PPFIA2: variants seen among roughly 807,000 people sequenced by gnomAD.
PPFIA2 encodes the protein PPFI scaffold protein A2.
In PPFIA2, 46 loss-of-function variants were observed where a neutral mutation model predicts 175.5. The ratio of observed to expected loss-of-function variants is 0.26; its 90% CI spans 0.21 to 0.34. The LOEUF (loss-of-function observed/expected upper bound fraction) is 0.34. PPFIA2 is among the 10% of genes least tolerant of loss of function. The pLI is 1.00. For missense variants in PPFIA2, 1,179 were observed against 1,506.1 expected (o/e 0.78, Z 3.60); for synonymous variants, 568 against 511.4 (o/e 1.11, Z -1.49).
chr12:81,296,944 G>C (rs1456616188), intron 23 of PPFIA2, among the ~76,000 whole-genome samples: 2 of 152,150 alleles, frequency 1.3e-5, no homozygotes, highest in East Asian at 3.8e-4. Context: ...GATGATAAAA[G>C]TGATGGGATG....
intron 16 of PPFIA2, among the ~76,000 whole-genome samples, chr12:81,357,095 C>T (rs1165127521): frequency 6.6e-6 from 1 of 152,046 alleles, no homozygotes; most frequent in African/African-American, 2.4e-5. Flanking sequence ...TATGGAAGAC[C>T]ACATGATACT....
chr12:81,412,176 T>A (rs920869267), intron 7 of PPFIA2, among the ~76,000 whole-genome samples: 1 of 151,872 alleles, frequency 6.6e-6, no homozygotes, highest in Non-Finnish European at 1.5e-5. Context: ...ATTAAATATC[T>A]TTTTATGCTA....
chr12:81,699,182 C>T lies in PPFIA2; in HGVS notation c.250-22338G>A, dbSNP rs150639316. Among the ~76,000 whole-genome samples the T allele has an allele frequency of 4.6e-3, 699 of 152,156 alleles. 10 individuals are homozygous for T. Among genetic ancestry groups the T allele is most frequent in the African/African-American group, 0.016 (656 of 41,542 alleles). On this transcript the variant is annotated intron_variant, in intron 3 of 32. Coordinates refer to ENST00000549396, the MANE Select transcript of PPFIA2 (RefSeq NM_003625.5). ...TATAGCACATTTCATGTGATCTACT[C>T]ATGTCCTCAAACATTAGTAAAAGAT...
chr12:81,489,374 C>T lies in PPFIA2; in HGVS notation c.304-31508G>A, dbSNP rs1487610665. 2.0e-5 allele frequency among the ~76,000 whole-genome samples: 3 copies of T among 151,730 alleles called. No individual in the cohort carries two copies. The Admixed American group carries it at 2.0e-4, about 10-fold the overall frequency. Reference sequence around the variant, plus strand: ...GGAACCGTAAAACTCAAGATGCATTCCCTATGATCAAGGACATTACTTTTA... The same window carrying T: ...GGAACCGTAAAACTCAAGATGCATTTCCTATGATCAAGGACATTACTTTTA... On this transcript the variant is annotated intron_variant, in intron 4 of 32. Transcript: ENST00000549396.
intron 4 of PPFIA2, among the ~76,000 whole-genome samples, chr12:81,466,883 T>C (rs1487569012): frequency 6.8e-6 from 1 of 147,126 alleles, no homozygotes; most frequent in Non-Finnish European, 1.5e-5. Context: ...ATATATATAA[T>C]ATATTATATT....
chr12:81,375,262 G>A (rs935610729), intron 10 of PPFIA2, among the ~76,000 whole-genome samples: 1 of 152,114 alleles, frequency 6.6e-6, no homozygotes, highest in African/African-American at 2.4e-5. Flanking sequence ...CACAAAAACA[G>A]TCATAGACAA....
intron 7 of PPFIA2, among the ~76,000 whole-genome samples, chr12:81,437,301 C>T (rs879646507): frequency 2.6e-5 from 4 of 152,162 alleles, no homozygotes; most frequent in Non-Finnish European, 2.9e-5. Flanking sequence ...GCGATCTCGG[C>T]TCACTGCAAG....
intron 4 of PPFIA2, among the ~76,000 whole-genome samples, chr12:81,650,324 A>T (rs1459814607): frequency 3.3e-5 from 5 of 152,030 alleles, no homozygotes; most frequent in South Asian, 2.1e-4. Flanking sequence ...GTGTATTTTT[A>T]AAAATGTGGA....
intron 11 of PPFIA2, 61 bp downstream of exon 11, chr12:81,374,573 T>C: frequency 6.6e-7 from 1 of 1,504,700 alleles, no homozygotes; most frequent in Non-Finnish European, 8.9e-7. Context: ...ACACATTCCA[T>C]TTTGATTACA....
intron 4 of PPFIA2, among the ~76,000 whole-genome samples, chr12:81,595,662 A>G (rs1369654358): frequency 3.9e-5 from 6 of 152,174 alleles, no homozygotes; most frequent in Non-Finnish European, 8.8e-5. Context: ...TGTCTAAATT[A>G]AAGATGCAAT....
intron 4 of PPFIA2, among the ~76,000 whole-genome samples, chr12:81,558,251 T>A (rs894811950): frequency 2.0e-5 from 3 of 152,138 alleles, no homozygotes; most frequent in African/African-American, 7.2e-5. Flanking sequence ...TAAGTTGAAA[T>A]ATATAGAGAA....
intron 14 of PPFIA2, among the ~76,000 whole-genome samples, chr12:81,363,732 T>C (rs1323809943): frequency 6.6e-6 from 1 of 151,786 alleles, no homozygotes; most frequent in Non-Finnish European, 1.5e-5. Flanking sequence ...AAGCCCTTTT[T>C]ATCTTTTTCC....
intron 5 of PPFIA2, among the ~76,000 whole-genome samples, chr12:81,454,436 T>C (rs1482879535): frequency 6.6e-6 from 1 of 152,148 alleles, no homozygotes; most frequent in Non-Finnish European, 1.5e-5. Context: ...CTTAGTTTTC[T>C]CTTGAATTAA....
At chr12:81,708,040 G>C (rs1338255184) in intron 3 of PPFIA2, among the ~76,000 whole-genome samples, 1 of 112,284 alleles carries the variant, frequency 8.9e-6, no homozygotes, top group Admixed American at 1.1e-4. Flanking sequence ...GGGGAGGGGG[G>C]AGGGATAGCA....
At chr12:81,342,913 G>A (rs1021627444) in intron 19 of PPFIA2, among the ~76,000 whole-genome samples, 1 of 148,942 alleles carries the variant, frequency 6.7e-6, no homozygotes. Context: ...TAACTAACCG[G>A]CACATTGTGC....
chr12:81,622,748 A>T (rs1372485128), intron 4 of PPFIA2, among the ~76,000 whole-genome samples: 1 of 152,120 alleles, frequency 6.6e-6, no homozygotes, highest in Non-Finnish European at 1.5e-5. Flanking sequence ...AACAGAATAG[A>T]ATGTGCCCTG....
intron 21 of PPFIA2, among the ~76,000 whole-genome samples, chr12:81,332,566 A>G (rs1209245392): frequency 1.3e-5 from 2 of 152,074 alleles, no homozygotes; most frequent in African/African-American, 4.8e-5. Context: ...GAAAAATTAT[A>G]ATGTTTCTGT....
At chr12:81,684,904 T>C (rs982961986) in intron 3 of PPFIA2, among the ~76,000 whole-genome samples, 1 of 152,042 alleles carries the variant, frequency 6.6e-6, no homozygotes, top group African/African-American at 2.4e-5. Flanking sequence ...TAATAGTCAA[T>C]AAACAATACA....
At chr12:81,423,302 T>C (rs2046615143) in intron 7 of PPFIA2, among the ~76,000 whole-genome samples, 1 of 151,908 alleles carries the variant, frequency 6.6e-6, no homozygotes, top group Non-Finnish European at 1.5e-5. Flanking sequence ...TACAAGAGAA[T>C]AAAATTACAG....
Sources: gnomAD v4.1 joint callset for allele counts (sites outside exome capture counted in the v4.1 genomes callset) on GRCh38, gnomAD v4.1.1 for gene constraint, MANE v1.5 for transcripts, NCBI Gene and HGNC (gene_info 2026-07-23, HGNC 2026-07-21) for gene names.